The following KHSRP variants were observed in gnomAD, a reference collection of about 807,000 sequenced individuals.
KHSRP encodes the protein KH-type splicing regulatory protein.
In KHSRP, 13 loss-of-function variants were observed where a neutral mutation model predicts 94.9. The observed-to-expected ratio is 0.14, with a 90% CI of 0.09 to 0.22. KHSRP has a LOEUF of 0.22. Among genes scored for constraint, KHSRP ranks in the 10% least tolerant of loss-of-function variants. The probability of loss-of-function intolerance (pLI) is 1.00; values close to 1 mark genes in which losing one functional copy is unlikely to be tolerated. For missense variants in KHSRP, 710 were observed against 1,010.0 expected (o/e 0.70, Z 4.03); for synonymous variants, 495 against 401.4 (o/e 1.23, Z -2.79).
At position 6,422,452 on chromosome 19, in the gene KHSRP, A is replaced by C. The variant is rs745679809; in HGVS notation, c.250-16T>G. ...TGGCTGCAATCTAGAATAAAGTAGTAAGCACAGAAGAATTACCACCAAAAA... is the reference window on the plus strand; with the variant it reads ...TGGCTGCAATCTAGAATAAAGTAGTCAGCACAGAAGAATTACCACCAAAAA... On this transcript the variant is annotated splice_polypyrimidine_tract_variant and intron_variant, in intron 1 of 18. Coordinates refer to ENST00000600480, the MANE Select transcript of KHSRP (RefSeq NM_001366299.1). The C allele has an allele frequency of 1.3e-6, 2 of 1,594,640 alleles. No homozygotes were observed. The highest frequency in any genetic ancestry group is 1.7e-6 in the Non-Finnish European group (2 of 1,163,234).
At chr19:6,421,755 G>C (rs1037088415) in intron 2 of KHSRP, 67 bp from the exon 3 acceptor site, 2 of 1,568,498 alleles carry the variant, frequency 1.3e-6, no homozygotes, top group Non-Finnish European at 8.8e-7. Flanking sequence ...CCTGATGCTG[G>C]TGCCACATGT....
At chr19:6,420,322 G>A in intron 5 of KHSRP, 100 bp downstream of exon 5, 1 of 1,254,214 alleles carries the variant, frequency 8.0e-7, no homozygotes, top group South Asian at 1.2e-5. Context: ...ACAGCACATA[G>A]GAGCCCTCTC....
rs560695916 is a variant in KHSRP, at chr19:6,424,775, G to A, written c.-74C>T. 10 of 565,634 alleles carry A rather than the reference G, an allele frequency of 1.8e-5. No individual in the cohort carries two copies. Among genetic ancestry groups the A allele is most frequent in the Admixed American group, 6.1e-5 (1 of 16,340 alleles). 35.0% of individuals were successfully genotyped at this position (565,634 alleles called of 1,614,324 possible). A position where few individuals can be genotyped will look rare whatever the true frequency, so the allele number is the denominator to read the frequency against. On this transcript the variant is annotated 5_prime_UTR_variant, in exon 1 of 19. Transcript: ENST00000600480. ...CGGCGGCGGCGGCGGCTCAACGCGG[G>A]AACAAGGCCTCGCTCCACACGGCCG... is the stretch of plus-strand genomic sequence containing the variant.
chr19:6,418,447 T>A lies in KHSRP; in HGVS notation c.879+36A>T, dbSNP rs757288660. 34 of 1,548,174 alleles carry A rather than the reference T, an allele frequency of 2.2e-5. 1 individual carries two copies. In the South Asian group the frequency reaches 3.8e-4, roughly 17 times the overall value. ...GGCCCTGCCCACCTGCCCGTGCCTC[T>A]CCAGAACCCCCTCCACCACCCCAGG... On this transcript the variant is annotated intron_variant, in intron 9 of 18. Transcript: ENST00000600480. The surrounding 1 kb of genome is among the most constrained non-coding windows in gnomAD (Gnocchi z 4.3).
rs1455630757 is a variant in KHSRP, at chr19:6,415,406, G to A, written c.1940C>T (p.Ala647Val). ...GAPPQQDYTK[A>V]WEEYYKKQAQ... ...TTGCTTCTTGTAGTACTCCTCCCAA[G>A]CCTTCGTGTAGTCCTGCTGTGGGGG... is the stretch of plus-strand genomic sequence containing the variant. The change falls in exon 18 of 19, where the codon GCT (alanine) becomes GTT (valine). Residue 647 changes from alanine to valine, a missense_variant. Ala to Val is a moderately conservative substitution (Grantham distance 64). This residue lies in a region of KHSRP where 292 missense variants were observed against 340.5 expected (regional missense o/e 0.86). Transcript: ENST00000600480. The A allele has an allele frequency of 6.3e-7, 1 of 1,594,326 alleles. No homozygotes were observed. The highest frequency in any genetic ancestry group is 2.3e-5 in the East Asian group (1 of 43,968).
At position 6,424,618 on chromosome 19, in the gene KHSRP, TCCCCCGGCG is replaced by T. The variant is rs1364106974; in HGVS notation, c.75_83del (p.Ala26_Gly28del). ...CGCCTGGCGGGCCCGGCGGAGGGCC[TCCCCCGGCG>T]CCTCCGGCTCCCCCGCCCCCGCCGG... On this transcript the variant is annotated inframe_deletion, in exon 1 of 19. Transcript: ENST00000600480. 1 of 952,526 alleles carries T rather than the reference TCCCCCGGCG, an allele frequency of 1.0e-6. No homozygotes were observed. Among genetic ancestry groups the T allele is most frequent in the East Asian group, 1.4e-4 (1 of 7,370 alleles). 59.0% of individuals were successfully genotyped at this position (952,526 alleles called of 1,614,324 possible).
Position 6,413,261 on chromosome 19 carries a change from AAAC to A in KHSRP, c.*1760_*1762del, listed in dbSNP as rs771014326. 6.0e-4 allele frequency: 100 copies of A among 166,274 alleles called. No homozygotes were observed. The highest frequency in any genetic ancestry group is 8.9e-4 in the Admixed American group (14 of 15,670). 10.3% of individuals were successfully genotyped at this position (166,274 alleles called of 1,614,324 possible). ...TTCAATCACCATTATCAGGCTTTTT[AAAC>A]AACATCTATAAAGAACAAACATCCG... On this transcript the variant is annotated 3_prime_UTR_variant, in exon 19 of 19. Coordinates refer to ENST00000600480, the MANE Select transcript of KHSRP (RefSeq NM_001366299.1).
intron 4 of KHSRP, 23 bp downstream of exon 4, chr19:6,421,255 G>C (rs369953523): frequency 4.4e-6 from 7 of 1,575,356 alleles, no homozygotes; most frequent in Middle Eastern, 1.7e-4. Flanking sequence ...CAAGAAAGCA[G>C]TGTGGGCCCC....
chr19:6,414,360 A>AG lies in KHSRP; in HGVS notation c.*663dup. 4 of 1,363,392 alleles carry AG rather than the reference A, an allele frequency of 2.9e-6. No individual in the cohort carries two copies. Among genetic ancestry groups the AG allele is most frequent in the Non-Finnish European group, 3.8e-6 (4 of 1,054,394 alleles). The allele number at this position is 1,363,392 out of a possible 1,614,324, so 84.5% of individuals were successfully genotyped here. On this transcript the variant is annotated 3_prime_UTR_variant, in exon 19 of 19. Coordinates refer to ENST00000600480, the MANE Select transcript of KHSRP (RefSeq NM_001366299.1). The stretch of plus-strand genomic sequence containing the variant: ...GAGGGACAGAGCAGGAAGAGAGGAG[A>AG]GGGGCCGCGGAGGGCGGAGGCGCTA...
intron 7 of KHSRP, 129 bp downstream of exon 7, chr19:6,419,074 G>A: frequency 1.8e-6 from 2 of 1,141,044 alleles, no homozygotes; most frequent in South Asian, 1.4e-5. Context: ...ATGTTAACAT[G>A]GCTGTCTGGA....
In KHSRP at chr19:6,413,688, G is replaced by A. The variant is rs1248288558; in HGVS notation, c.*1336C>T. On this transcript the variant is annotated 3_prime_UTR_variant, in exon 19 of 19. Transcript: ENST00000600480. The stretch of plus-strand genomic sequence containing the variant: ...TTTATTTTAAAAACAAGAGGGCCGA[G>A]GGTGGGAGAAAATGAATTGCTTTAT... The A allele has an allele frequency of 3.8e-5, 6 of 159,784 alleles. No homozygotes were observed. The highest frequency in any genetic ancestry group is 6.9e-5 in the Non-Finnish European group (5 of 72,274). The allele number at this position is 159,784 out of a possible 1,614,324, so 9.9% of individuals were successfully genotyped here.
At position 6,416,414 on chromosome 19, in the gene KHSRP, G is replaced by A. The variant is rs776663865; in HGVS notation, c.1489-7C>T. The A allele has an allele frequency of 6.8e-6, 11 of 1,612,796 alleles. 1 individual carries two copies. The highest frequency in any genetic ancestry group is 2.7e-5 in the African/African-American group (2 of 74,932). On this transcript the variant is annotated splice_region_variant and splice_polypyrimidine_tract_variant and intron_variant, in intron 14 of 18. Transcript: ENST00000600480. Reference sequence around the variant, plus strand: ...CAACTGGGCAGAGAGGACCCTAGAAGGAAGGAGAGTAACCAAGGTAAGTGG... The same window carrying A: ...CAACTGGGCAGAGAGGACCCTAGAAAGAAGGAGAGTAACCAAGGTAAGTGG...
chr19:6,420,599 T>A, intron 4 of KHSRP, 128 bp from the exon 5 acceptor site: 1 of 816,392 alleles, frequency 1.2e-6, no homozygotes. Context: ...GCCACAAAAC[T>A]GCCAAGGCCT....
At chr19:6,419,066 G>T in intron 7 of KHSRP, 137 bp downstream of exon 7, 1 of 1,126,242 alleles carries the variant, frequency 8.9e-7, no homozygotes, top group Non-Finnish European at 1.3e-6. Flanking sequence ...TCAGCCTCAT[G>T]TTAACATGGC....
At position 6,413,428 on chromosome 19, in the gene KHSRP, CTCATTTTGTTT is replaced by C; in HGVS notation, c.*1585_*1595del. Reference sequence around the variant, plus strand: ...CTGCCATACAATTTTTTTTGTTGTTCTCATTTTGTTTTCAGTTTCAATCTCCTCTTGAACAG... The same window carrying C: ...CTGCCATACAATTTTTTTTGTTGTTCTCAGTTTCAATCTCCTCTTGAACAG... On this transcript the variant is annotated 3_prime_UTR_variant, in exon 19 of 19. Transcript: ENST00000600480. 2.5e-6 allele frequency: 1 copy of C among 404,768 alleles called. No individual in the cohort carries two copies. Among genetic ancestry groups the C allele is most frequent in the Middle Eastern group, 7.3e-4 (1 of 1,368 alleles). The allele number at this position is 404,768 out of a possible 1,614,324, so 25.1% of individuals were successfully genotyped here.
intron 7 of KHSRP, 88 bp downstream of exon 7, chr19:6,419,115 C>T: frequency 1.5e-6 from 2 of 1,305,196 alleles, no homozygotes; most frequent in Admixed American, 2.2e-5. Flanking sequence ...ACATGGCGTG[C>T]AAGTTGCTCC....
At chr19:6,415,507 A>G in intron 17 of KHSRP, 27 bp downstream of exon 17, 1 of 1,546,192 alleles carries the variant, frequency 6.5e-7, no homozygotes. Flanking sequence ...GCAGGGCTGG[A>G]GCCCCCCCGC....
At chr19:6,422,527 G>GA in intron 1 of KHSRP, 91 bp from the exon 2 acceptor site, 1 of 921,460 alleles carries the variant, frequency 1.1e-6, no homozygotes, top group East Asian at 2.4e-5. Flanking sequence ...TCCTGGACAC[G>GA]AAAGCCCATC....
At position 6,419,286 on chromosome 19, in the gene KHSRP, C is replaced by T. The variant is rs529776037; in HGVS notation, c.548-26G>A. On this transcript the variant is annotated intron_variant, in intron 6 of 18. Coordinates refer to ENST00000600480, the MANE Select transcript of KHSRP (RefSeq NM_001366299.1). ...CTGAAAAGAGGAGATAGAGTCAGTG[C>T]CCTCCCTGGCCCACAGGCAGAGAAA... 31 of 1,539,648 alleles carry T rather than the reference C, an allele frequency of 2.0e-5. 1 individual carries two copies. The South Asian group carries it at 3.5e-4, about 17-fold the overall frequency.
Sources: gnomAD v4.1 joint callset for allele counts on GRCh38, gnomAD v4.1.1 for gene constraint, gnomAD v4.1.1 regional missense constraint, Gnocchi (gnomAD v3.1) non-coding constraint, MANE v1.5 for transcripts, NCBI Gene and HGNC (gene_info 2026-07-23, HGNC 2026-07-21) for gene names.